Variants in EYS observed in about 807,000 individuals in gnomAD.
EYS encodes EGF-like photoreceptor maintenance factor, also known as protein eyes shut homolog.
EYS carries 250 observed loss-of-function variants against 282.1 expected under a neutral mutation model. The ratio of observed to expected loss-of-function variants is 0.89; its 90% CI spans 0.80 to 0.98. The LOEUF (loss-of-function observed/expected upper bound fraction) is 0.98, where lower values mean the gene tolerates loss of function less well. Ranked by LOEUF, EYS falls within the 50% of genes least tolerant of loss-of-function variation. The probability of loss-of-function intolerance (pLI) is 0.00; values close to 1 mark genes in which losing one functional copy is unlikely to be tolerated. For synonymous variants in EYS, 1,355 were observed against 1,282.9 expected (o/e 1.06, Z -1.20); for missense variants, 4,016 against 3,709.0 (o/e 1.08, Z -2.15).
At chr6:65,600,711 T>A (rs1765586126) in intron 2 of EYS, among the ~76,000 whole-genome samples, 1 of 151,998 alleles carries the variant, frequency 6.6e-6, no homozygotes, top group Non-Finnish European at 1.5e-5. Context: ...AATTAAAACA[T>A]AAAAATTTTT....
intron 31 of EYS, among the ~76,000 whole-genome samples, chr6:64,185,309 C>T (rs1267996966): frequency 2.0e-5 from 3 of 152,260 alleles, no homozygotes; most frequent in African/African-American, 4.8e-5. Flanking sequence ...CAGTCAGCTA[C>T]ATATTGACTA....
rs1256670469 is a variant in EYS, at chr6:64,359,003, A to C, written c.6078+29687T>G. On this transcript the variant is annotated intron_variant, in intron 29 of 42. Coordinates refer to ENST00000503581, the MANE Select transcript of EYS (RefSeq NM_001142800.2). ...CTGGGCATAAAGAGGGAGAATTTAA[A>C]AGTTTCGGGCATTTAAGAGAAAATA... is the stretch of plus-strand genomic sequence containing the variant. Among the ~76,000 whole-genome samples, 3 of 151,768 alleles carry C rather than the reference A, an allele frequency of 2.0e-5. No homozygotes were observed. The East Asian group carries it at 5.9e-4, about 30-fold the overall frequency.
At chr6:65,560,360 CAT>C (rs201441407) in intron 2 of EYS, among the ~76,000 whole-genome samples, 14,413 of 143,788 alleles carry the variant, frequency 0.1, 907 homozygotes, top group South Asian at 0.2. Flanking sequence ...TATAATATAA[CAT>C]AAAATAATAC....
At chr6:64,243,451 A>C (rs532296504) in intron 30 of EYS, among the ~76,000 whole-genome samples, 78 of 152,306 alleles carry the variant, frequency 5.1e-4, no homozygotes, top group African/African-American at 1.7e-3. Flanking sequence ...GTGACATAGA[A>C]TATATCAACT....
At chr6:65,197,813 C>T (rs1305800861) in intron 12 of EYS, among the ~76,000 whole-genome samples, 1 of 151,978 alleles carries the variant, frequency 6.6e-6, no homozygotes, top group South Asian at 2.1e-4. Context: ...ATAAATGGAG[C>T]TTGCAAGACT....
chr6:65,196,561 C>T (rs1562016399), intron 12 of EYS, among the ~76,000 whole-genome samples: 3 of 152,002 alleles, frequency 2.0e-5, no homozygotes, highest in Non-Finnish European at 2.9e-5. Context: ...CATTATTAAG[C>T]CCTTGGGACT....
At chr6:64,495,314 G>A (rs9451767) in intron 26 of EYS, among the ~76,000 whole-genome samples, 3,299 of 151,706 alleles carry the variant, frequency 0.022, 61 homozygotes, top group African/African-American at 0.053. Context: ...TGTTATATAC[G>A]CTTTTTAGTC....
At chr6:64,016,737 C>G (rs916229067) in intron 33 of EYS, among the ~76,000 whole-genome samples, 1 of 152,076 alleles carries the variant, frequency 6.6e-6, no homozygotes, top group Non-Finnish European at 1.5e-5. Flanking sequence ...TGGCCTCCCA[C>G]AGTGCTGGGA....
At chr6:65,084,505 C>G (rs1774311541) in intron 12 of EYS, among the ~76,000 whole-genome samples, 1 of 152,054 alleles carries the variant, frequency 6.6e-6, no homozygotes, top group African/African-American at 2.4e-5. Flanking sequence ...ATTCATTTTA[C>G]TTTTTAAAAT....
At chr6:65,369,285 AT>A (rs1399143799) in intron 8 of EYS, among the ~76,000 whole-genome samples, 4 of 115,810 alleles carry the variant, frequency 3.5e-5, no homozygotes, top group South Asian at 2.6e-4. Context: ...ATTTATATAT[AT>A]TATATATATA....
chr6:65,465,173 GA>G (rs1764957056), intron 5 of EYS, among the ~76,000 whole-genome samples: 1 of 152,048 alleles, frequency 6.6e-6, no homozygotes, highest in South Asian at 2.1e-4. Context: ...GAGATAAAAA[GA>G]TAGCAGAAAC....
intron 12 of EYS, among the ~76,000 whole-genome samples, chr6:65,108,773 T>G (rs1463113694): frequency 6.6e-6 from 1 of 152,190 alleles, no homozygotes; most frequent in Non-Finnish European, 1.5e-5. Flanking sequence ...TGTTCATATA[T>G]AATTTTTTCT....
intron 12 of EYS, among the ~76,000 whole-genome samples, chr6:65,120,013 G>C (rs1371874509): frequency 6.6e-6 from 1 of 151,328 alleles, no homozygotes. Flanking sequence ...GCCGCCGGGC[G>C]GGGTGGCGGG....
intron 2 of EYS, among the ~76,000 whole-genome samples, chr6:65,575,477 T>C (rs865959324): frequency 6.6e-6 from 1 of 151,586 alleles, no homozygotes; most frequent in African/African-American, 2.4e-5. Context: ...AATAAATGTC[T>C]ACAAAGAAAA....
intron 12 of EYS, among the ~76,000 whole-genome samples, chr6:65,134,220 C>G (rs145605074): frequency 2.4e-4 from 37 of 152,178 alleles, no homozygotes; most frequent in African/African-American, 7.5e-4. Context: ...TCTCAAACAG[C>G]TAGAAACAGA....
intron 35 of EYS, among the ~76,000 whole-genome samples, chr6:63,897,049 A>C (rs1204063196): frequency 6.6e-6 from 1 of 152,220 alleles, no homozygotes; most frequent in Non-Finnish European, 1.5e-5. Flanking sequence ...AATATGCAGA[A>C]GTATATATAA....
At chr6:64,517,764 G>T (rs1184626137) in intron 26 of EYS, among the ~76,000 whole-genome samples, 1 of 151,766 alleles carries the variant, frequency 6.6e-6, no homozygotes, top group East Asian at 1.9e-4. Flanking sequence ...GTATACTCTA[G>T]CACACATGTT....
chr6:63,747,892 C>T (rs1441710832), intron 41 of EYS, among the ~76,000 whole-genome samples: 1 of 151,842 alleles, frequency 6.6e-6, no homozygotes, highest in Non-Finnish European at 1.5e-5. Context: ...GGGTTCTTGA[C>T]TCTTTATCCA....
At chr6:64,548,821 A>G (rs1006556956) in intron 26 of EYS, among the ~76,000 whole-genome samples, 1 of 149,696 alleles carries the variant, frequency 6.7e-6, no homozygotes, top group African/African-American at 2.4e-5. Context: ...TAAAACTTAA[A>G]GTATAATAAA....
Sources: allele counts gnomAD v4.1 joint callset (sites outside exome capture counted in the v4.1 genomes callset), GRCh38; gene constraint gnomAD v4.1.1; transcripts MANE v1.5; gene names NCBI Gene and HGNC (gene_info 2026-07-23, HGNC 2026-07-21).